Variants in DDX6 observed in about 807,000 individuals in gnomAD.
DDX6 encodes the protein probable ATP-dependent RNA helicase DDX6.
In DDX6, 7 loss-of-function variants were observed where a neutral mutation model predicts 60.6. That is an observed-to-expected ratio of 0.12 (90% confidence interval 0.07 to 0.22). DDX6 has a LOEUF of 0.22. DDX6 is among the 10% of genes least tolerant of loss of function. The pLI is 1.00. For missense variants in DDX6, 270 were observed against 589.9 expected (o/e 0.46, Z 5.62); for synonymous variants, 207 against 201.0 (o/e 1.03, Z -0.25).
chr11:118,788,129 G>A (rs1249616137), intron 1 of DDX6: 2 of 151,962 alleles, frequency 1.3e-5, no homozygotes, highest in Admixed American at 6.6e-5. Context: ...GACCAACACG[G>A]TGAAACTCCG....
chr11:118,779,555 A>T, intron 4 of DDX6, 77 bp downstream of exon 4: 2 of 890,672 alleles, frequency 2.2e-6, no homozygotes, highest in Non-Finnish European at 3.5e-6. Flanking sequence ...TCACTGTATC[A>T]CTTCTGCAGA....
intron 2 of DDX6, among the ~76,000 whole-genome samples, chr11:118,785,348 T>C (rs1312732245): frequency 1.3e-5 from 2 of 152,004 alleles, no homozygotes; most frequent in Non-Finnish European, 2.9e-5. Flanking sequence ...CCTTTTTATA[T>C]GTAAAAGGAG....
rs985038087 is a variant in DDX6, at chr11:118,786,404, T to C, written c.-153A>G. ...CTTTATTGCAATGCAGGCAAGCACC[T>C]GTAAGTCTCTGAACGGTAAGCAGCA... On this transcript the variant is annotated 5_prime_UTR_variant, in exon 2 of 14. Coordinates refer to ENST00000534980, the MANE Select transcript of DDX6 (RefSeq NM_004397.6). The C allele has an allele frequency of 9.4e-5, 52 of 552,150 alleles. No homozygotes were observed. The East Asian group carries it at 1.1e-3, about 12-fold the overall frequency. The allele number at this position is 552,150 out of a possible 1,614,324, so 34.2% of individuals were successfully genotyped here. A position where few individuals can be genotyped will look rare whatever the true frequency, so the allele number is the denominator to read the frequency against.
rs1860743853 is a variant in DDX6 at position 118,751,022 on chromosome 11, C to A, written c.*1083G>T. The A allele has an allele frequency of 6.6e-6, 1 of 150,576 alleles. No individual in the cohort carries two copies. The highest frequency in any genetic ancestry group is 1.5e-5 in the Non-Finnish European group (1 of 67,736). The allele number at this position is 150,576 out of a possible 1,614,324, so 9.3% of individuals were successfully genotyped here. ...AGCTGCTCCCATAATCACTCTAATC[C>A]CCTTAATCCCAGCAACCTTCATCCA... On this transcript the variant is annotated 3_prime_UTR_variant, in exon 14 of 14. Coordinates refer to ENST00000534980, the MANE Select transcript of DDX6 (RefSeq NM_004397.6).
intron 13 of DDX6, among the ~76,000 whole-genome samples, chr11:118,752,677 T>TA (rs1256740935): frequency 1.3e-5 from 2 of 152,200 alleles, no homozygotes; most frequent in Non-Finnish European, 2.9e-5. Context: ...TGTTCACCTA[T>TA]AACTTGGAAA....
intron 4 of DDX6, among the ~76,000 whole-genome samples, chr11:118,775,427 G>A (rs1269997536): frequency 1.3e-5 from 2 of 151,852 alleles, no homozygotes; most frequent in Non-Finnish European, 2.9e-5. Flanking sequence ...ATTTTGTTTC[G>A]GTTCTAAAAT....
chr11:118,788,600 G>A (rs754350858), intron 1 of DDX6: 6 of 152,212 alleles, frequency 3.9e-5, no homozygotes, highest in African/African-American at 7.2e-5. Context: ...GTTTCGACAT[G>A]TTGGCCAGGC....
At chr11:118,755,135 A>G (rs1860921631) in intron 12 of DDX6, among the ~76,000 whole-genome samples, 1 of 152,200 alleles carries the variant, frequency 6.6e-6, no homozygotes, top group Non-Finnish European at 1.5e-5. Context: ...GCCATAAAAT[A>G]CACATTAAAC....
intron 3 of DDX6, among the ~76,000 whole-genome samples, chr11:118,780,114 CAAAAAA>C (rs71044492): frequency 2.9e-3 from 116 of 40,280 alleles, no homozygotes; most frequent in African/African-American, 9.4e-3. Context: ...GACTCTATCT[CAAAAAA>C]AAAAAAAAAA....
Position 118,761,721 on chromosome 11 carries a change from C to G in DDX6, c.741+1491G>C, listed in dbSNP as rs140726901. Among the ~76,000 whole-genome samples the G allele has an allele frequency of 3.3e-5, 5 of 152,264 alleles. No homozygotes were observed. The East Asian group carries it at 9.7e-4, about 29-fold the overall frequency. The stretch of plus-strand genomic sequence containing the variant: ...ACTCTGGCATCTATAAGACAAAAAG[C>G]TGAATTCCTATGAATGCCTATCTAT... On this transcript the variant is annotated intron_variant, in intron 7 of 13. Coordinates refer to ENST00000534980, the MANE Select transcript of DDX6 (RefSeq NM_004397.6).
In DDX6 at chr11:118,779,511, A is replaced by G. The variant is rs1591919143; in HGVS notation, c.369+121T>C. The G allele has an allele frequency of 3.3e-5, 20 of 598,110 alleles. No individual in the cohort carries two copies. In the East Asian group the frequency reaches 5.6e-4, roughly 17 times the overall value. 37.1% of individuals were successfully genotyped at this position (598,110 alleles called of 1,614,324 possible). On this transcript the variant is annotated intron_variant, in intron 4 of 13. Transcript: ENST00000534980. ...TCTAATTTACCCTTAAAAATTTCAG[A>G]AAAAGTGTGTATACGTGAGAGAGAA...
chr11:118,755,644 T>G (rs1320439643), intron 11 of DDX6, 141 bp from the exon 12 acceptor site: 2 of 574,872 alleles, frequency 3.5e-6, no homozygotes, highest in Non-Finnish European at 6.2e-6. Flanking sequence ...TGGCATTACC[T>G]TTCATAATCA....
At chr11:118,787,013 C>A (rs758270276) in intron 1 of DDX6, 1 of 152,260 alleles carries the variant, frequency 6.6e-6, no homozygotes. Context: ...CAGAAAAAAA[C>A]ACCTTTGTGC....
chr11:118,759,892 C>CA, intron 8 of DDX6, 30 bp downstream of exon 8: 1 of 1,601,614 alleles, frequency 6.2e-7, no homozygotes, highest in Non-Finnish European at 8.5e-7. Flanking sequence ...CACAGGATGG[C>CA]ACTGATTCCA....
chr11:118,786,865 A>G (rs1862091521), intron 1 of DDX6: 1 of 152,258 alleles, frequency 6.6e-6, no homozygotes, highest in Admixed American at 6.5e-5. Context: ...TCAGTGATTC[A>G]TTATACTTAA....
chr11:118,756,184 T>C, intron 11 of DDX6, 76 bp downstream of exon 11: 1 of 1,155,794 alleles, frequency 8.7e-7, no homozygotes, highest in Admixed American at 1.8e-5. Context: ...CAGGTTGCAC[T>C]ATGTAATATG....
chr11:118,758,742 A>G (rs1565562415), intron 9 of DDX6, 32 bp downstream of exon 9: 4 of 1,611,068 alleles, frequency 2.5e-6, no homozygotes, highest in Non-Finnish European at 3.4e-6. Context: ...GACTCGAGAG[A>G]TAATATTCAA....
rs150269338 is a variant in DDX6 at position 118,780,662 on chromosome 11, T to C, written c.264+459A>G. On this transcript the variant is annotated intron_variant, in intron 3 of 13. Transcript: ENST00000534980. Reference sequence around the variant, plus strand: ...GACTGGTGGAATAGTGTTATTTTTTTACACAAATATCATGCCATGAATTGC... The same window carrying C: ...GACTGGTGGAATAGTGTTATTTTTTCACACAAATATCATGCCATGAATTGC... Among the ~76,000 whole-genome samples the C allele has an allele frequency of 2.6e-4, 40 of 152,280 alleles. No homozygotes were observed. The East Asian group carries it at 7.5e-3, about 29-fold the overall frequency.
chr11:118,786,110 T>A lies in DDX6; in HGVS notation c.142A>T (p.Thr48Ser), dbSNP rs762493158. The A allele has an allele frequency of 1.2e-6, 2 of 1,614,010 alleles. No individual in the cohort carries two copies. The highest frequency in any genetic ancestry group is 1.7e-6 in the Non-Finnish European group (2 of 1,179,888). The change falls in exon 2 of 14, where the codon ACC (threonine) becomes TCC (serine). Residue 48 changes from threonine (T) to serine (S), a missense_variant. Coordinates refer to ENST00000534980, the MANE Select transcript of DDX6 (RefSeq NM_004397.6). ...TGAGTGCCATTATTGATTGTGTTGG[T>A]GTTTTTCAGCTGGTTCATCTGTTGC... is the stretch of plus-strand genomic sequence containing the variant. ...TQQQMNQLKN[T>S]NTINNGTQQQ...
Sources: gnomAD v4.1 joint callset for allele counts (sites outside exome capture counted in the v4.1 genomes callset) on GRCh38, gnomAD v4.1.1 for gene constraint, MANE v1.5 for transcripts, NCBI Gene and HGNC (gene_info 2026-07-23, HGNC 2026-07-21) for gene names.